The following EIF3B variants were observed in gnomAD, a reference collection of about 807,000 sequenced individuals.
The protein encoded by EIF3B is eukaryotic translation initiation factor 3 subunit 9.
In EIF3B, 10 loss-of-function variants were observed where a neutral mutation model predicts 104.6. That is an observed-to-expected ratio of 0.10 (90% CI 0.06 to 0.16). EIF3B has a LOEUF of 0.16. EIF3B is among the 10% of genes least tolerant of loss of function. The pLI, the probability that EIF3B is intolerant of heterozygous loss-of-function variation, is 1.00. For missense variants in EIF3B, 1,014 were observed against 1,087.9 expected (o/e 0.93, Z 0.96); for synonymous variants, 542 against 417.2 (o/e 1.30, Z -3.65).
chr7:2,372,285 T>TAAA, intron 11 of EIF3B: 1 of 232,288 alleles, frequency 4.3e-6, no homozygotes, highest in South Asian at 8.4e-5. Context: ...AAGGAAGGGT[T>TAAA]AAAAATAGGT....
intron 9 of EIF3B, among the ~76,000 whole-genome samples, chr7:2,368,852 C>G (rs561624339): frequency 6.6e-6 from 1 of 152,364 alleles, no homozygotes; most frequent in South Asian, 2.1e-4. Context: ...GACGTTTCTT[C>G]TTTCGTTTTT....
chr7:2,363,607 T>G, intron 4 of EIF3B, 25 bp from the exon 5 acceptor site: 2 of 1,586,280 alleles, frequency 1.3e-6, no homozygotes, highest in Non-Finnish European at 1.7e-6. Flanking sequence ...AATGAAATGT[T>G]ATATTCCTTG....
chr7:2,375,205 T>C (rs780221276), intron 13 of EIF3B, 184 bp from the exon 14 acceptor site: 125 of 648,946 alleles, frequency 1.9e-4, no homozygotes, highest in Non-Finnish European at 2.6e-4. Context: ...TAATACTCAC[T>C]GCACACTCTG....
intron 6 of EIF3B, among the ~76,000 whole-genome samples, chr7:2,365,934 C>T (rs925502454): frequency 5.3e-4 from 80 of 152,168 alleles, no homozygotes; most frequent in African/African-American, 1.9e-3. Flanking sequence ...GATCCACCCA[C>T]CTCGGCCTCC....
At chr7:2,364,306 A>G in intron 5 of EIF3B, 66 bp from the exon 6 acceptor site, 3 of 1,387,626 alleles carry the variant, frequency 2.2e-6, no homozygotes, top group South Asian at 1.4e-5. Context: ...GGATAAATTC[A>G]TTGTAGGAGG....
chr7:2,367,513 A>T (rs1780090450), intron 9 of EIF3B, among the ~76,000 whole-genome samples: 1 of 152,218 alleles, frequency 6.6e-6, no homozygotes, highest in South Asian at 2.1e-4. Flanking sequence ...TCGCTCCGTC[A>T]GGCTGGAGTG....
chr7:2,364,338 G>C (rs946641447), intron 5 of EIF3B, 34 bp from the exon 6 acceptor site: 19 of 1,542,772 alleles, frequency 1.2e-5, no homozygotes, highest in African/African-American at 2.8e-5. Context: ...TTGCCATTTT[G>C]TTGTATTAAC....
Position 2,366,206 on chromosome 7 carries a change from T to C in EIF3B, c.1158-111T>C, listed in dbSNP as rs757393260. Reference sequence around the variant, plus strand: ...CTCTTGGGGCCGGGCAGTGTGGGGTTTGGGGAGAGAGCTGGTTCCGCGAGT... The same window carrying C: ...CTCTTGGGGCCGGGCAGTGTGGGGTCTGGGGAGAGAGCTGGTTCCGCGAGT... On this transcript the variant is annotated intron_variant, in intron 6 of 18. Transcript: ENST00000360876. 147 of 1,196,118 alleles carry C rather than the reference T, an allele frequency of 1.2e-4. 1 individual carries two copies. Among genetic ancestry groups the C allele is most frequent in the Non-Finnish European group, 1.7e-4 (143 of 859,778 alleles). The allele number at this position is 1,196,118 out of a possible 1,614,324, so 74.1% of individuals were successfully genotyped here. A position where few individuals can be genotyped will look rare whatever the true frequency, so the allele number is the denominator to read the frequency against.
intron 1 of EIF3B, 55 bp from the exon 2 acceptor site, chr7:2,360,655 T>G: frequency 7.2e-7 from 1 of 1,396,744 alleles, no homozygotes; most frequent in Non-Finnish European, 9.9e-7. Flanking sequence ...GCTCAGTTAA[T>G]GTATTAATGT....
At chr7:2,376,923 T>C in intron 14 of EIF3B, 27 bp from the exon 15 acceptor site, 3 of 1,608,830 alleles carry the variant, frequency 1.9e-6, no homozygotes, top group African/African-American at 1.3e-5. Flanking sequence ...CCCCTCTGTG[T>C]CCTGGTGTGT....
intron 12 of EIF3B, 103 bp downstream of exon 12, chr7:2,372,898 GCAGGCCGGGAC>G: frequency 7.4e-7 from 1 of 1,360,388 alleles, no homozygotes; most frequent in Non-Finnish European, 9.9e-7. Flanking sequence ...CCACTGCTGG[GCAGGCCGGGAC>G]TCGCCTATGA....
upstream of EIF3B, among the ~76,000 whole-genome samples, chr7:2,354,593 A>G (rs1481457618): frequency 6.6e-6 from 1 of 152,140 alleles, no homozygotes; most frequent in Non-Finnish European, 1.5e-5. Context: ...GCCATGTTGG[A>G]CGGAACCATC....
rs189325304 is a variant in EIF3B, at chr7:2,357,474, A to C, written c.499+2054A>C. On this transcript the variant is annotated intron_variant, in intron 1 of 18. Coordinates refer to ENST00000360876, the MANE Select transcript of EIF3B (RefSeq NM_001037283.2). Reference sequence around the variant, plus strand: ...GTATCAGTTCTTTCCAGAAGGGCCAAGTCTTCCAAGGAGCAGGCCAGAGGT... The same window carrying C: ...GTATCAGTTCTTTCCAGAAGGGCCACGTCTTCCAAGGAGCAGGCCAGAGGT... 2.6e-5 allele frequency among the ~76,000 whole-genome samples: 4 copies of C among 152,326 alleles called. No individual in the cohort carries two copies. In the East Asian group the frequency reaches 7.7e-4, roughly 29 times the overall value.
At position 2,362,824 on chromosome 7, in the gene EIF3B, C is replaced by T. The variant is rs186986516; in HGVS notation, c.812+60C>T. 8.2e-4 allele frequency: 1,309 copies of T among 1,606,094 alleles called. 5 individuals carry two copies. Among genetic ancestry groups the T allele is most frequent in the Middle Eastern group, 8.0e-3 (48 of 6,034 alleles). On this transcript the variant is annotated intron_variant, in intron 3 of 18. Transcript: ENST00000360876. ...TGACGTGCAAGTGACTGGCTGTGTG[C>T]GGGTGGCTTGGTGCTTCTCGGTGCT...
In EIF3B at chr7:2,372,660, T is replaced by C. The variant is rs1202647267; in HGVS notation, c.1688-13T>C. 4 of 1,613,234 alleles carry C rather than the reference T, an allele frequency of 2.5e-6. No individual in the cohort carries two copies. The highest frequency in any genetic ancestry group is 3.4e-6 in the Non-Finnish European group (4 of 1,179,468). On this transcript the variant is annotated splice_polypyrimidine_tract_variant and intron_variant, in intron 11 of 18. Coordinates refer to ENST00000360876, the MANE Select transcript of EIF3B (RefSeq NM_001037283.2). ...TTGACCAAAAAGGGAGGGGTCTGTTTTGTGCATTTTAGAAACCATCATAGC... is the reference window on the plus strand; with the variant it reads ...TTGACCAAAAAGGGAGGGGTCTGTTCTGTGCATTTTAGAAACCATCATAGC...
At chr7:2,371,632 G>A (rs1780344827) in intron 10 of EIF3B, 145 bp from the exon 11 acceptor site, 2 of 673,768 alleles carry the variant, frequency 3.0e-6, no homozygotes, top group Admixed American at 2.3e-5. Flanking sequence ...CATCCTGAGG[G>A]CTGTGGCTTT....
Position 2,364,861 on chromosome 7 carries a change from T to C in EIF3B, c.1157+332T>C, listed in dbSNP as rs372189696. Among the ~76,000 whole-genome samples the C allele has an allele frequency of 2.0e-5, 3 of 152,376 alleles. No individual in the cohort carries two copies. The East Asian group carries it at 5.8e-4, about 29-fold the overall frequency. ...ATTTACCATTCATTTAATACTTCAA[T>C]GTATTGCCATATTCTGATTTTGTTA... On this transcript the variant is annotated intron_variant, in intron 6 of 18. Coordinates refer to ENST00000360876, the MANE Select transcript of EIF3B (RefSeq NM_001037283.2).
chr7:2,379,603 C>A, intron 18 of EIF3B, 92 bp downstream of exon 18: 1 of 829,528 alleles, frequency 1.2e-6, no homozygotes, highest in Non-Finnish European at 2.0e-6. Context: ...TCCTTTAAGG[C>A]AGGGGTGAAG....
intron 1 of EIF3B, among the ~76,000 whole-genome samples, chr7:2,357,859 G>A (rs1404754676): frequency 6.6e-6 from 1 of 152,120 alleles, no homozygotes; most frequent in African/African-American, 2.4e-5. Context: ...CCCAATTTGT[G>A]TAAAAGTTGA....
Sources: allele counts gnomAD v4.1 joint callset (sites outside exome capture counted in the v4.1 genomes callset), GRCh38; gene constraint gnomAD v4.1.1; transcripts MANE v1.5; gene names NCBI Gene and HGNC (gene_info 2026-07-23, HGNC 2026-07-21).